The following PLCH1 variants were observed in gnomAD, a reference collection of about 807,000 sequenced individuals.
PLCH1 encodes the protein 1-phosphatidylinositol 4,5-bisphosphate phosphodiesterase eta-1.
A neutral mutation model predicts 126.7 loss-of-function variants in PLCH1; 60 were observed. That is an observed-to-expected ratio of 0.47 (90% confidence interval 0.38 to 0.59). PLCH1 has a LOEUF of 0.59. Among genes scored for constraint, PLCH1 ranks in the 20% least tolerant of loss-of-function variants. PLCH1 has a pLI of 0.00. For synonymous variants in PLCH1, 719 were observed against 734.9 expected (o/e 0.98, Z 0.35); for missense variants, 1,723 against 2,040.0 (o/e 0.84, Z 2.99).
At chr3:155,713,136 C>G (rs1419427653) in intron 1 of PLCH1, among the ~76,000 whole-genome samples, 3 of 152,072 alleles carry the variant, frequency 2.0e-5, no homozygotes, top group South Asian at 2.1e-4. Flanking sequence ...CCACATCCAG[C>G]ACCAGTTCCT....
intron 1 of PLCH1, among the ~76,000 whole-genome samples, chr3:155,716,633 A>G (rs1747530876): frequency 6.6e-6 from 1 of 152,172 alleles, no homozygotes; most frequent in African/African-American, 2.4e-5. Context: ...ACAAGAACTC[A>G]CTTACTATCG....
At position 155,458,391 on chromosome 3, in the gene PLCH1, AAGGAAGGAAGGAAGGAAG is replaced by A. The variant is rs1560027108; in HGVS notation, c.2938+26947_2938+26964del. On this transcript the variant is annotated intron_variant, in intron 21 of 21. Coordinates refer to the PLCH1 transcript ENST00000494598. ...AGAAGAAAGAAAGAAAGAAAGAAGGAAGGAAGGAAGGAAGGAAGGAAGGAAGGAAGGAAGGAAGGAAGG... is the reference window on the plus strand; with the variant it reads ...AGAAGAAAGAAAGAAAGAAAGAAGGAGAAGGAAGGAAGGAAGGAAGGAAGG... Among the ~76,000 whole-genome samples, 70 of 24,358 alleles carry A rather than the reference AAGGAAGGAAGGAAGGAAG, an allele frequency of 2.9e-3. 2 individuals are homozygous for A. The highest frequency in any genetic ancestry group is 0.013 in the African/African-American group (49 of 3,816). The allele number at this position is 24,358 out of a possible 152,430, so 16.0% of individuals were successfully genotyped here.
intron 2 of PLCH1, among the ~76,000 whole-genome samples, chr3:155,596,750 A>G (rs1312573711): frequency 2.0e-5 from 3 of 152,230 alleles, no homozygotes; most frequent in African/African-American, 7.2e-5. Flanking sequence ...ACCAATTATA[A>G]AAGTATCTTA....
rs563164589 is a variant in PLCH1 at position 155,539,719 on chromosome 3, A to G, written c.1362+10068T>C. 9.8e-5 allele frequency among the ~76,000 whole-genome samples: 15 copies of G among 152,310 alleles called. No homozygotes were observed. The South Asian group carries it at 2.7e-3, about 27-fold the overall frequency. On this transcript the variant is annotated intron_variant, in intron 10 of 22. Transcript: ENST00000460012. ...ATATCTACAAGGAAAACTACAAAAC[A>G]CTGCTGAAAGAAATCATAGATGACA...
chr3:155,660,931 T>C (rs1373006792), intron 2 of PLCH1, among the ~76,000 whole-genome samples: 9 of 152,212 alleles, frequency 5.9e-5, no homozygotes, highest in Admixed American at 5.9e-4. Context: ...GATCATTCCA[T>C]ATAGCTGAAA....
rs752878905 is a variant in PLCH1, at chr3:155,483,025, C to G, written c.3001G>C (p.Gly1001Arg). Residue 1001 changes from glycine (G) to arginine (R), a missense_variant, in exon 23 of 23, where the codon GGG (glycine) becomes CGG (arginine). Around this residue, in one of 2 missense-constraint regions of PLCH1, gnomAD observed 947 missense variants for 977.1 expected, o/e 0.97. Coordinates refer to ENST00000460012, the MANE Select transcript of PLCH1 (RefSeq NM_014996.4). ...TGTGGATCTTTTATACTTGCTTTCC[C>G]TTTTCTTCTGCCATCTTTATCTTCT... ...LAEDKDGRRK[G>R]KASIKDPHFL... is the part of the protein sequence containing the mutation. The G allele has an allele frequency of 1.2e-6, 2 of 1,613,470 alleles. No individual in the cohort carries two copies. The highest frequency in any genetic ancestry group is 1.1e-5 in the South Asian group (1 of 91,044).
At chr3:155,540,563 C>A in intron 10 of PLCH1, among the ~76,000 whole-genome samples, 1 of 151,846 alleles carries the variant, frequency 6.6e-6, no homozygotes, top group African/African-American at 2.4e-5. Context: ...CAAATAATAC[C>A]ATCAAAAAGT....
rs59531752 is a variant in PLCH1, at chr3:155,723,771, T to C, written c.-40-19507A>G. 6.7e-3 allele frequency among the ~76,000 whole-genome samples: 1,013 copies of C among 152,068 alleles called. 16 individuals carry two copies. In the East Asian group the frequency reaches 0.071, roughly 11 times the overall value. Reference sequence around the variant, plus strand: ...GAGTTTGAGACCAGCCTGGCCAACATGGTGAAACCCTGGCTCTACTAAAAA... The same window carrying C: ...GAGTTTGAGACCAGCCTGGCCAACACGGTGAAACCCTGGCTCTACTAAAAA... On this transcript the variant is annotated intron_variant, in intron 1 of 22. Coordinates refer to ENST00000460012, the MANE Select transcript of PLCH1 (RefSeq NM_014996.4).
At position 155,503,081 on chromosome 3, in the gene PLCH1, A is replaced by G. The variant is rs375731953; in HGVS notation, c.1704+1474T>C. Among the ~76,000 whole-genome samples the G allele has an allele frequency of 2.4e-4, 36 of 152,198 alleles. No individual in the cohort carries two copies. The East Asian group carries it at 5.8e-3, about 24-fold the overall frequency. On this transcript the variant is annotated intron_variant, in intron 13 of 22. Coordinates refer to ENST00000460012, the MANE Select transcript of PLCH1 (RefSeq NM_014996.4). Reference sequence around the variant, plus strand: ...CCAGATTAGTGTAACATCTTTTTTCACTATTTTATTGAAGTGTAACATACA... The same window carrying G: ...CCAGATTAGTGTAACATCTTTTTTCGCTATTTTATTGAAGTGTAACATACA...
Position 155,541,155 on chromosome 3 carries a change from T to C in PLCH1, c.1362+8632A>G, listed in dbSNP as rs140836960. Among the ~76,000 whole-genome samples, 419 of 152,216 alleles carry C rather than the reference T, an allele frequency of 2.8e-3. 4 individuals are homozygous for C. The highest frequency in any genetic ancestry group is 6.2e-3 in the South Asian group (30 of 4,818). Reference sequence around the variant, plus strand: ...ACTCAGGAATGGAAAACAAAACATATGTTCTCACTTATAAGTGGGAGCTAA... The same window carrying C: ...ACTCAGGAATGGAAAACAAAACATACGTTCTCACTTATAAGTGGGAGCTAA... On this transcript the variant is annotated intron_variant, in intron 10 of 22. Coordinates refer to ENST00000460012, the MANE Select transcript of PLCH1 (RefSeq NM_014996.4).
chr3:155,667,297 G>A (rs1228128206), intron 2 of PLCH1, among the ~76,000 whole-genome samples: 3 of 152,264 alleles, frequency 2.0e-5, no homozygotes, highest in Admixed American at 1.3e-4. Context: ...TGACACCAGT[G>A]TTCCTCTTCT....
chr3:155,530,627 T>C (rs1437532708), intron 10 of PLCH1, among the ~76,000 whole-genome samples: 1 of 152,178 alleles, frequency 6.6e-6, no homozygotes, highest in Non-Finnish European at 1.5e-5. Context: ...CTACAGTGAC[T>C]TTCTCCACTG....
intron 2 of PLCH1, among the ~76,000 whole-genome samples, chr3:155,623,087 T>C (rs942479833): frequency 6.6e-5 from 10 of 152,040 alleles, no homozygotes; most frequent in African/African-American, 2.4e-5. Context: ...TGCAATCAAA[T>C]TAGAACTCAG....
At chr3:155,554,469 C>T (rs1167585341) in intron 8 of PLCH1, among the ~76,000 whole-genome samples, 2 of 152,152 alleles carry the variant, frequency 1.3e-5, no homozygotes, top group Non-Finnish European at 2.9e-5. Flanking sequence ...ACCAAAAACT[C>T]ATTAGAACTT....
chr3:155,719,792 A>G (rs1315330301), intron 1 of PLCH1, among the ~76,000 whole-genome samples: 1 of 151,390 alleles, frequency 6.6e-6, no homozygotes, highest in Non-Finnish European at 1.5e-5. Context: ...GTATAAATAT[A>G]CTACATTGTC....
At chr3:155,535,904 C>G (rs1455461276) in intron 10 of PLCH1, among the ~76,000 whole-genome samples, 2 of 152,172 alleles carry the variant, frequency 1.3e-5, no homozygotes, top group Non-Finnish European at 2.9e-5. Flanking sequence ...ACAAAACAAC[C>G]AAGGACCCTC....
At chr3:155,655,440 A>AAAAGAAGAAG in intron 2 of PLCH1, among the ~76,000 whole-genome samples, 1 of 151,150 alleles carries the variant, frequency 6.6e-6, no homozygotes, top group East Asian at 1.9e-4. Context: ...AGAAAAAAAA[A>AAAAGAAGAAG]AAGAAGAAGA....
In PLCH1 at chr3:155,500,708, C is replaced by T. The variant is rs749942155; in HGVS notation, c.1791G>A (p.Leu597=). 1.9e-6 allele frequency: 3 copies of T among 1,601,694 alleles called. No individual in the cohort carries two copies. The highest frequency in any genetic ancestry group is 1.1e-5 in the South Asian group (1 of 90,844). ...ACATGGAGATGCTTTCTTACCTGTA[C>T]AGCTGGCCACCCTCCTTGCCAGTAC... ...QQSTGKEGGQ[L]YRLGRRRKTM... is the part of the protein sequence containing the mutation. The change falls in exon 14 of 23, where the codon CTG becomes CTA. Residue 597 remains leucine (L), a synonymous_variant. Transcript: ENST00000460012.
At chr3:155,612,156 AAAAAT>A (rs1173092372) in intron 2 of PLCH1, among the ~76,000 whole-genome samples, 68 of 151,994 alleles carry the variant, frequency 4.5e-4, no homozygotes, top group African/African-American at 1.5e-3. Context: ...GTCTCTACTA[AAAAAT>A]AAAATAAAAT....
Sources: allele counts gnomAD v4.1 joint callset (sites outside exome capture counted in the v4.1 genomes callset), GRCh38; gene constraint gnomAD v4.1.1; regional missense constraint gnomAD v4.1.1; transcripts MANE v1.5; gene names NCBI Gene and HGNC (gene_info 2026-07-23, HGNC 2026-07-21).